The following DLG2 variants were observed in gnomAD, a reference collection of about 807,000 sequenced individuals.
DLG2 encodes the protein disks large homolog 2.
In DLG2, 45 loss-of-function variants were observed where a neutral mutation model predicts 132.5. The ratio of observed to expected loss-of-function variants is 0.34; its 90% CI spans 0.27 to 0.44. The LOEUF is 0.44. Ranked by LOEUF, DLG2 falls within the 20% of genes least tolerant of loss-of-function variation. The pLI, the probability that DLG2 is intolerant of heterozygous loss-of-function variation, is 1.00. For missense variants in DLG2, 1,045 were observed against 1,196.9 expected, an observed-to-expected ratio of 0.87 and a Z score of 1.87; for synonymous variants, 424 against 419.6, an observed-to-expected ratio of 1.01 and a Z score of -0.13.
chr11:84,599,529 G>A (rs547954830), intron 6 of DLG2, among the ~76,000 whole-genome samples: 2 of 152,220 alleles, frequency 1.3e-5, no homozygotes, highest in South Asian at 2.1e-4. Context: ...TATTTTAAAT[G>A]CTTTGTGTCT....
intron 18 of DLG2, among the ~76,000 whole-genome samples, chr11:83,777,165 T>G (rs1451392): frequency 0.68 from 103,806 of 152,052 alleles, 36,866 homozygotes; most frequent in African/African-American, 0.87. Flanking sequence ...ATTGCTTAAT[T>G]TTACCAATGT....
At chr11:83,711,485 A>T (rs1592900195) in intron 18 of DLG2, among the ~76,000 whole-genome samples, 1 of 152,304 alleles carries the variant, frequency 6.6e-6, no homozygotes, top group East Asian at 1.9e-4. Flanking sequence ...CTCAGTGTAG[A>T]TCAAGTTCAC....
At chr11:83,615,465 G>A (rs1427131447) in intron 19 of DLG2, among the ~76,000 whole-genome samples, 2 of 152,060 alleles carry the variant, frequency 1.3e-5, no homozygotes, top group African/African-American at 2.4e-5. Context: ...ATATTGTGGT[G>A]GGCAGAATAA....
intron 6 of DLG2, among the ~76,000 whole-genome samples, chr11:84,739,622 G>A (rs1033511040): frequency 6.6e-6 from 1 of 152,260 alleles, no homozygotes; most frequent in South Asian, 2.1e-4. Context: ...TATTGATAAG[G>A]CAGTAAGTAT....
chr11:83,563,198 C>T (rs1303809098), intron 19 of DLG2, among the ~76,000 whole-genome samples: 2 of 151,924 alleles, frequency 1.3e-5, no homozygotes, highest in Non-Finnish European at 2.9e-5. Flanking sequence ...AGGATGGTCG[C>T]GATCTCCTGA....
At chr11:83,660,202 C>G (rs1023639038) in intron 18 of DLG2, among the ~76,000 whole-genome samples, 2 of 152,060 alleles carry the variant, frequency 1.3e-5, no homozygotes, top group African/African-American at 4.8e-5. Flanking sequence ...TAACCTAGCC[C>G]TTAGGAGCTC....
intron 7 of DLG2, among the ~76,000 whole-genome samples, chr11:84,382,239 G>T (rs769817180): frequency 1.3e-5 from 2 of 151,256 alleles, no homozygotes; most frequent in Non-Finnish European, 3.0e-5. Flanking sequence ...CCTCAAACCA[G>T]TTTTTTTTTC....
intron 18 of DLG2, among the ~76,000 whole-genome samples, chr11:83,694,263 T>G (rs1258906711): frequency 2.0e-5 from 3 of 152,024 alleles, no homozygotes; most frequent in Non-Finnish European, 4.4e-5. Context: ...ATCTAGAAAG[T>G]CCAAAGCCAA....
At chr11:84,156,846 G>A (rs1170298118) in intron 9 of DLG2, among the ~76,000 whole-genome samples, 1 of 152,292 alleles carries the variant, frequency 6.6e-6, no homozygotes, top group East Asian at 1.9e-4. Flanking sequence ...CATTAAAGTT[G>A]TCTAATAGTG....
intron 3 of DLG2, among the ~76,000 whole-genome samples, chr11:85,431,274 G>A (rs1403467449): frequency 6.6e-6 from 1 of 152,192 alleles, no homozygotes; most frequent in African/African-American, 2.4e-5. Context: ...GAGGAAGGAA[G>A]ACCAGTGTGG....
chr11:84,931,003 C>G (rs777531489), intron 6 of DLG2, among the ~76,000 whole-genome samples: 9 of 152,028 alleles, frequency 5.9e-5, no homozygotes, highest in Non-Finnish European at 1.0e-4. Flanking sequence ...TTGGGCATCA[C>G]AACCAACATG....
intron 7 of DLG2, among the ~76,000 whole-genome samples, chr11:84,360,373 C>T (rs2098642738): frequency 6.6e-6 from 1 of 151,854 alleles, no homozygotes; most frequent in East Asian, 1.9e-4. Flanking sequence ...ACTTATACTT[C>T]CAAGGCTCAA....
At chr11:84,726,445 C>G (rs1379872347) in intron 6 of DLG2, among the ~76,000 whole-genome samples, 1 of 152,054 alleles carries the variant, frequency 6.6e-6, no homozygotes, top group East Asian at 1.9e-4. Context: ...GACATAAAGT[C>G]ACCCTTTTTA....
chr11:84,761,474 A>G (rs1235290057), intron 6 of DLG2, among the ~76,000 whole-genome samples: 5 of 152,198 alleles, frequency 3.3e-5, no homozygotes, highest in Non-Finnish European at 4.4e-5. Context: ...GTGTCAGTGG[A>G]CTGGGAAGGG....
At chr11:85,249,668 G>T (rs1409790494) in intron 4 of DLG2, among the ~76,000 whole-genome samples, 1 of 152,012 alleles carries the variant, frequency 6.6e-6, no homozygotes, top group Non-Finnish European at 1.5e-5. Context: ...TGGAGACAAA[G>T]GTCACTTATC....
At chr11:85,000,139 A>G (rs1228354125) in intron 6 of DLG2, among the ~76,000 whole-genome samples, 2 of 152,108 alleles carry the variant, frequency 1.3e-5, no homozygotes, top group African/African-American at 2.4e-5. Context: ...CAAGGACTAT[A>G]CTGTTAGAAA....
chr11:84,418,093 T>C (rs1225912088), intron 7 of DLG2, among the ~76,000 whole-genome samples: 1 of 152,228 alleles, frequency 6.6e-6, no homozygotes, highest in Non-Finnish European at 1.5e-5. Context: ...CATAACCATT[T>C]AGAGCGTAGT....
At chr11:83,798,219 C>A (rs1477885607) in intron 17 of DLG2, among the ~76,000 whole-genome samples, 2 of 152,178 alleles carry the variant, frequency 1.3e-5, no homozygotes, top group East Asian at 1.9e-4. Flanking sequence ...TGGTCCCTTC[C>A]CTTACCAGCT....
At chr11:85,209,333 G>C (rs567452647) in intron 4 of DLG2, among the ~76,000 whole-genome samples, 1 of 150,994 alleles carries the variant, frequency 6.6e-6, no homozygotes, top group South Asian at 2.1e-4. Context: ...GATTCTTCTT[G>C]TACTAGGGCT....
Sources: gnomAD v4.1 joint callset for allele counts (sites outside exome capture counted in the v4.1 genomes callset) on GRCh38, gnomAD v4.1.1 for gene constraint, MANE v1.5 for transcripts, NCBI Gene and HGNC (gene_info 2026-07-23, HGNC 2026-07-21) for gene names.